Variants in AJAP1 observed in about 807,000 individuals in gnomAD.
AJAP1 encodes the protein adherens junction-associated protein 1.
A neutral mutation model predicts 35.0 loss-of-function variants in AJAP1; 5 were observed. The observed-to-expected ratio is 0.14, with a 90% CI of 0.07 to 0.30. The LOEUF is 0.30. AJAP1 is among the 10% of genes least tolerant of loss of function. AJAP1 has a pLI of 1.00. For missense variants in AJAP1, 586 were observed against 571.0 expected, an observed-to-expected ratio of 1.03 and a Z score of -0.27; for synonymous variants, 284 against 249.3, an observed-to-expected ratio of 1.14 and a Z score of -1.31.
Position 4,712,578 on chromosome 1 carries a change from C to G in AJAP1, c.708C>G (p.Phe236Leu). 1 of 1,609,384 alleles carries G rather than the reference C, an allele frequency of 6.2e-7. No homozygotes were observed. The highest frequency in any genetic ancestry group is 8.5e-7 in the Non-Finnish European group (1 of 1,177,508). Residue 236 changes from phenylalanine to leucine, a missense_variant, in exon 2 of 6, where the codon TTC becomes TTG. By Grantham distance (22) the Phe-to-Leu change is conservative. Coordinates refer to ENST00000378191, the MANE Select transcript of AJAP1 (RefSeq NM_018836.4). ...CCATGACGCTGCAGACTAAGGGGTTCACCGAGTCCTTGGATCCCCGGAGAA... is the reference window on the plus strand; with the variant it reads ...CCATGACGCTGCAGACTAAGGGGTTGACCGAGTCCTTGGATCCCCGGAGAA... ...ATPMTLQTKG[F>L]TESLDPRRRI... is the part of the protein sequence containing the mutation.
chr1:4,688,771 CA>C (rs5772177), intron 1 of AJAP1, among the ~76,000 whole-genome samples: 3,119 of 87,870 alleles, frequency 0.035, 64 homozygotes, highest in East Asian at 0.22. Context: ...GACTCCGTCT[CA>C]AAAAAAAAAA....
intron 1 of AJAP1, among the ~76,000 whole-genome samples, chr1:4,706,045 A>G (rs1640093922): frequency 6.6e-6 from 1 of 152,188 alleles, no homozygotes; most frequent in South Asian, 2.1e-4. Flanking sequence ...ATTCTAAAAT[A>G]AAAAGCTTTT....
At chr1:4,670,410 T>C (rs547266222) in intron 1 of AJAP1, among the ~76,000 whole-genome samples, 38 of 152,346 alleles carry the variant, frequency 2.5e-4, no homozygotes, top group Non-Finnish European at 1.9e-4. Context: ...ACCTCAGAGC[T>C]GAGCCATGTG....
intron 2 of AJAP1, among the ~76,000 whole-genome samples, chr1:4,759,190 G>A (rs1641509419): frequency 1.3e-5 from 2 of 152,186 alleles, no homozygotes; most frequent in African/African-American, 4.8e-5. Context: ...TCTGAAAGGT[G>A]TGCATAGACC....
At chr1:4,658,435 G>A (rs1276601534) in intron 1 of AJAP1, among the ~76,000 whole-genome samples, 1 of 152,206 alleles carries the variant, frequency 6.6e-6, no homozygotes, top group Non-Finnish European at 1.5e-5. Flanking sequence ...AGGCAGCTGG[G>A]GCTGTGCAGC....
intron 1 of AJAP1, among the ~76,000 whole-genome samples, chr1:4,709,971 T>C (rs1570139458): frequency 6.6e-6 from 1 of 152,006 alleles, no homozygotes; most frequent in East Asian, 1.9e-4. Context: ...GACACAAGGG[T>C]CTCAGTACTG....
At chr1:4,700,239 C>T (rs963527731) in intron 1 of AJAP1, among the ~76,000 whole-genome samples, 2 of 152,120 alleles carry the variant, frequency 1.3e-5, no homozygotes, top group East Asian at 1.9e-4. Flanking sequence ...TGCTGTATCT[C>T]GGGTTGAAAT....
intron 1 of AJAP1, among the ~76,000 whole-genome samples, chr1:4,674,140 C>T (rs139401518): frequency 2.2e-3 from 330 of 151,942 alleles, no homozygotes; most frequent in Admixed American, 3.8e-3. Flanking sequence ...TCTGGCCACC[C>T]GATTTCCAGA....
intron 1 of AJAP1, among the ~76,000 whole-genome samples, chr1:4,660,770 T>C (rs889225971): frequency 2.6e-5 from 4 of 152,182 alleles, no homozygotes; most frequent in Non-Finnish European, 4.4e-5. Context: ...CTACCACATA[T>C]TTTAGAACGA....
At chr1:4,752,410 C>T (rs1316941320) in intron 2 of AJAP1, among the ~76,000 whole-genome samples, 1 of 152,126 alleles carries the variant, frequency 6.6e-6, no homozygotes, top group Non-Finnish European at 1.5e-5. Context: ...ATGATAATGG[C>T]AGTGCCCAGA....
At chr1:4,725,056 A>G (rs918082684) in intron 2 of AJAP1, among the ~76,000 whole-genome samples, 8 of 152,156 alleles carry the variant, frequency 5.3e-5, no homozygotes, top group Admixed American at 2.0e-4. Flanking sequence ...AGAGCGAGCA[A>G]TGAAACTGCC....
intron 2 of AJAP1, among the ~76,000 whole-genome samples, chr1:4,752,799 A>G (rs1201891303): frequency 2.6e-5 from 4 of 152,224 alleles, no homozygotes; most frequent in African/African-American, 7.2e-5. Context: ...TTCTTGAAAG[A>G]CAACTATAGA....
In AJAP1 at chr1:4,656,625, G is replaced by A. The variant is rs988876345; in HGVS notation, c.29+1171G>A. The stretch of plus-strand genomic sequence containing the variant: ...TTTTGAGAAATCGGAAGGGGACTGG[G>A]ACGCCAAGTGTTTTCTAGCGACCCT... On this transcript the variant is annotated intron_variant, in intron 1 of 5. Coordinates refer to ENST00000378191, the MANE Select transcript of AJAP1 (RefSeq NM_018836.4). The surrounding 1 kb of genome is among the most constrained non-coding windows in gnomAD (Gnocchi z 5.7). Among the ~76,000 whole-genome samples the A allele has an allele frequency of 6.6e-6, 1 of 152,194 alleles. No individual in the cohort carries two copies. Among genetic ancestry groups the A allele is most frequent in the African/African-American group, 2.4e-5 (1 of 41,438 alleles).
chr1:4,679,839 GT>G, intron 1 of AJAP1, among the ~76,000 whole-genome samples: 1 of 151,256 alleles, frequency 6.6e-6, no homozygotes, highest in Non-Finnish European at 1.5e-5. Context: ...GTGTGTGTGT[GT>G]GTGTGTGTGT....
At chr1:4,671,350 C>G (rs1312307112) in intron 1 of AJAP1, among the ~76,000 whole-genome samples, 1 of 143,092 alleles carries the variant, frequency 7.0e-6, no homozygotes, top group Middle Eastern at 3.4e-3. Context: ...GCCTGGGCAA[C>G]AGAGCGAGAC....
At chr1:4,775,401 C>T (rs1047854497) in intron 5 of AJAP1, among the ~76,000 whole-genome samples, 5 of 152,138 alleles carry the variant, frequency 3.3e-5, no homozygotes, top group Non-Finnish European at 5.9e-5. Flanking sequence ...CCAAAGGTGA[C>T]CTAAGATCCC....
chr1:4,776,997 TGCAC>T (rs1641954062), intron 5 of AJAP1, among the ~76,000 whole-genome samples: 2 of 152,224 alleles, frequency 1.3e-5, no homozygotes, highest in Non-Finnish European at 2.9e-5. Flanking sequence ...AGGAGGGCTA[TGCAC>T]ACAGCCTCGT....
intron 1 of AJAP1, among the ~76,000 whole-genome samples, chr1:4,683,190 G>A (rs1265483569): frequency 6.6e-6 from 1 of 152,230 alleles, no homozygotes. Flanking sequence ...GTAGAATGGG[G>A]TTAATAGCAA....
intron 2 of AJAP1, among the ~76,000 whole-genome samples, chr1:4,750,680 A>G (rs1641302198): frequency 1.3e-5 from 2 of 151,666 alleles, no homozygotes; most frequent in South Asian, 4.2e-4. Context: ...AGTGAGCCTC[A>G]GAAATCTCCA....
Sources: gnomAD v4.1 joint callset for allele counts (sites outside exome capture counted in the v4.1 genomes callset) on GRCh38, gnomAD v4.1.1 for gene constraint, Gnocchi (gnomAD v3.1) non-coding constraint, MANE v1.5 for transcripts, NCBI Gene and HGNC (gene_info 2026-07-23, HGNC 2026-07-21) for gene names.